ALX4: variants seen among roughly 807,000 people sequenced by gnomAD.
ALX4 encodes homeobox protein aristaless-like 4.
In ALX4, 22 loss-of-function variants were observed where a neutral mutation model predicts 40.6. That is an observed-to-expected ratio of 0.54 (90% CI 0.39 to 0.77). The LOEUF is 0.77. Ranked by LOEUF, ALX4 falls within the 30% of genes least tolerant of loss-of-function variation. The probability of loss-of-function intolerance (pLI) is 0.00; values close to 1 mark genes in which losing one functional copy is unlikely to be tolerated. For missense variants in ALX4, 556 were observed against 564.8 expected (o/e 0.98, Z 0.16); for synonymous variants, 266 against 240.5 (o/e 1.11, Z -0.98).
chr11:44,298,127 C>CT (rs1235324684), intron 1 of ALX4, among the ~76,000 whole-genome samples: 1 of 152,228 alleles, frequency 6.6e-6, no homozygotes, highest in African/African-American at 2.4e-5. Context: ...TAAGGAGGAG[C>CT]TTTTGCCAGG....
At chr11:44,286,361 C>T (rs972759803) in intron 1 of ALX4, among the ~76,000 whole-genome samples, 2 of 152,144 alleles carry the variant, frequency 1.3e-5, no homozygotes, top group Admixed American at 6.5e-5. Flanking sequence ...GGGGCACAGC[C>T]CTGTGGGAAG....
chr11:44,267,551 G>C lies in ALX4; in HGVS notation c.849C>G (p.Thr283=). The C allele has an allele frequency of 6.2e-7, 1 of 1,614,146 alleles. No homozygotes were observed. Among genetic ancestry groups the C allele is most frequent in the Non-Finnish European group, 8.5e-7 (1 of 1,180,034 alleles). Residue 283 remains threonine (T), a synonymous_variant, in exon 3 of 4, where the codon ACC becomes ACG. Transcript: ENST00000652299. ...GCAGCTCATATGCAGTGGAGAAGTG[G>C]GTTCGAACCTGCTGCATCTGCCCAA... ...ERFGQMQQVR[T]HFSTAYELPL...
At chr11:44,267,384 C>T in intron 3 of ALX4, 110 bp downstream of exon 3, 1 of 1,445,822 alleles carries the variant, frequency 6.9e-7, no homozygotes, top group Non-Finnish European at 9.4e-7. Context: ...GACGGAAGGG[C>T]AGCCTGGAGC....
chr11:44,277,831 C>T (rs755789820), intron 1 of ALX4, among the ~76,000 whole-genome samples: 33 of 152,180 alleles, frequency 2.2e-4, no homozygotes, highest in Admixed American at 7.9e-4. Context: ...GCAGTGCAGA[C>T]GCCATGGGGG....
At chr11:44,267,654 G>A in intron 2 of ALX4, 32 bp from the exon 3 acceptor site, 2 of 1,613,822 alleles carry the variant, frequency 1.2e-6, no homozygotes, top group Non-Finnish European at 1.7e-6. Flanking sequence ...TTGTCACCAG[G>A]GTGAGATGCC....
chr11:44,309,239 C>A (rs1163523888), intron 1 of ALX4, among the ~76,000 whole-genome samples: 1 of 152,078 alleles, frequency 6.6e-6, no homozygotes, highest in East Asian at 1.9e-4. Flanking sequence ...AGCGCCAGAG[C>A]GCTGCGCGGA....
In ALX4 at chr11:44,261,568, G is replaced by A. The variant is rs937241495; in HGVS notation, c.*3286C>T. ...AGTGCTATTTCAGCCTTGGAGACAA[G>A]CCTCTCTGTGTGCCCCCCAGAGCCC... On this transcript the variant is annotated 3_prime_UTR_variant, in exon 4 of 4. Transcript: ENST00000652299. The A allele has an allele frequency of 6.6e-6, 1 of 152,232 alleles. No individual in the cohort carries two copies. The highest frequency in any genetic ancestry group is 1.9e-4 in the East Asian group (1 of 5,184). The allele number at this position is 152,232 out of a possible 1,614,324, so 9.4% of individuals were successfully genotyped here. A position where few individuals can be genotyped will look rare whatever the true frequency, so the allele number is the denominator to read the frequency against.
chr11:44,297,483 TGA>T (rs904948052), intron 1 of ALX4, among the ~76,000 whole-genome samples: 2 of 152,030 alleles, frequency 1.3e-5, no homozygotes, highest in Non-Finnish European at 2.9e-5. Flanking sequence ...TTTGGGAGGC[TGA>T]GGCGGGAGGA....
chr11:44,302,525 G>A (rs1293278235), intron 1 of ALX4, among the ~76,000 whole-genome samples: 1 of 152,238 alleles, frequency 6.6e-6, no homozygotes, highest in Non-Finnish European at 1.5e-5. Flanking sequence ...TAACACAGGA[G>A]GCAGGGACTT....
Position 44,309,680 on chromosome 11 carries a change from G to T in ALX4, c.383C>A (p.Ala128Asp). Residue 128 changes from alanine (A) to aspartate (D), a missense_variant, in exon 1 of 4, where the codon GCC (alanine) becomes GAC (aspartate). Coordinates refer to ENST00000652299, the MANE Select transcript of ALX4 (RefSeq NM_021926.4). The stretch of plus-strand genomic sequence containing the variant: ...GCTGCCGTCCGGGGGCGTCTTGCAG[G>T]CGCCTCGCTGCAAGTAAAGATGCGG... ...AQPHLYLQRG[A>D]CKTPPDGSLK... 1 of 1,590,580 alleles carries T rather than the reference G, an allele frequency of 6.3e-7. No homozygotes were observed.
chr11:44,303,156 GC>G (rs1956444642), intron 1 of ALX4, among the ~76,000 whole-genome samples: 1 of 152,164 alleles, frequency 6.6e-6, no homozygotes, highest in Non-Finnish European at 1.5e-5. Flanking sequence ...GCCCTGGAGA[GC>G]CAGTTGTTCT....
chr11:44,308,620 C>G (rs1381379404), intron 1 of ALX4, among the ~76,000 whole-genome samples: 1 of 152,254 alleles, frequency 6.6e-6, no homozygotes, highest in Non-Finnish European at 1.5e-5. Flanking sequence ...CTAGAGACGT[C>G]CTTGAGTGTC....
intron 1 of ALX4, among the ~76,000 whole-genome samples, chr11:44,290,983 T>G (rs1386815937): frequency 6.6e-6 from 1 of 152,196 alleles, no homozygotes; most frequent in Non-Finnish European, 1.5e-5. Flanking sequence ...CAGGGCAACG[T>G]TGCTCAGCCT....
At chr11:44,271,138 G>T (rs1441219969) in intron 2 of ALX4, among the ~76,000 whole-genome samples, 3 of 102,782 alleles carry the variant, frequency 2.9e-5, no homozygotes, top group Non-Finnish European at 5.8e-5. Flanking sequence ...CAGGCAGGGG[G>T]TTCCATCACC....
rs1234657107 is a variant in ALX4, at chr11:44,310,123, G to T, written c.-61C>A. On this transcript the variant is annotated 5_prime_UTR_variant, in exon 1 of 4. Coordinates refer to ENST00000652299, the MANE Select transcript of ALX4 (RefSeq NM_021926.4). ...CGAGGGCGCGAGGACGCCACCGCGC[G>T]CCTTGGCTGGGAGTTTGGGGAGGCG... 1.3e-6 allele frequency: 2 copies of T among 1,515,508 alleles called. No individual in the cohort carries two copies. Among genetic ancestry groups the T allele is most frequent in the Non-Finnish European group, 1.8e-6 (2 of 1,128,788 alleles). 93.9% of individuals were successfully genotyped at this position (1,515,508 alleles called of 1,614,324 possible). A position where few individuals can be genotyped will look rare whatever the true frequency, so the allele number is the denominator to read the frequency against.
rs754942746 is a variant in ALX4, at chr11:44,309,609, C to A, written c.454G>T (p.Val152Phe). The A allele has an allele frequency of 1.3e-6, 2 of 1,586,010 alleles. No individual in the cohort carries two copies. Among genetic ancestry groups the A allele is most frequent in the Non-Finnish European group, 1.7e-6 (2 of 1,174,376 alleles). Reference protein sequence around the residue: ...GSSGHSAALQVPCYAKESSLG... With the variant: ...GSSGHSAALQFPCYAKESSLG... Reference sequence around the variant, plus strand: ...CACGTGCACTCACCGTAGCAGGGAACCTGCAAGGCCGCGCTGTGGCCGCTG... The same window carrying A: ...CACGTGCACTCACCGTAGCAGGGAAACTGCAAGGCCGCGCTGTGGCCGCTG... The change falls in exon 1 of 4, where the codon GTT becomes TTT. Residue 152 changes from valine to phenylalanine, a missense_variant. Transcript: ENST00000652299.
rs749632326 is a variant in ALX4, at chr11:44,264,825, C to T, written c.*29G>A. ...AACATGGGCGTGGCCCATGGTGTCC[C>T]GAGGTGGGGACGGGGCAGGGGTGCC... On this transcript the variant is annotated 3_prime_UTR_variant, in exon 4 of 4. Transcript: ENST00000652299. The T allele has an allele frequency of 2.4e-5, 39 of 1,609,794 alleles. No individual in the cohort carries two copies. Among genetic ancestry groups the T allele is most frequent in the Admixed American group, 8.3e-5 (5 of 59,912 alleles).
At chr11:44,284,682 C>CTGAACCTCAAGCTAG (rs1410403664) in intron 1 of ALX4, among the ~76,000 whole-genome samples, 1 of 152,236 alleles carries the variant, frequency 6.6e-6, no homozygotes, top group Admixed American at 6.5e-5. Flanking sequence ...TGCTTCCGCT[C>CTGAACCTCAAGCTAG]TGCAGCGCAC....
At chr11:44,280,896 C>T (rs1359871785) in intron 1 of ALX4, among the ~76,000 whole-genome samples, 1 of 152,242 alleles carries the variant, frequency 6.6e-6, no homozygotes, top group Non-Finnish European at 1.5e-5. Flanking sequence ...TGGGGGGACC[C>T]CCGTACCACT....
Sources: gnomAD v4.1 joint callset for allele counts (sites outside exome capture counted in the v4.1 genomes callset) on GRCh38, gnomAD v4.1.1 for gene constraint, MANE v1.5 for transcripts, NCBI Gene and HGNC (gene_info 2026-07-23, HGNC 2026-07-21) for gene names.